The following CLIC5 variants were observed in gnomAD, a reference collection of about 807,000 sequenced individuals.
CLIC5 encodes the protein CLIC family member 5.
A neutral mutation model predicts 24.7 loss-of-function variants in CLIC5; 20 were observed. That is an observed-to-expected ratio of 0.81 (90% CI 0.57 to 1.18). The LOEUF is 1.18. Ranked by LOEUF, CLIC5 falls within the 50% of genes most tolerant of loss-of-function variation. The pLI is 0.00. For synonymous variants in CLIC5, 159 were observed against 135.6 expected, an observed-to-expected ratio of 1.17 and a Z score of -1.20; for missense variants, 341 against 326.1, an observed-to-expected ratio of 1.05 and a Z score of -0.35.
intron 1 of CLIC5, among the ~76,000 whole-genome samples, chr6:46,053,584 T>G (rs1030708915): frequency 1.3e-5 from 2 of 152,130 alleles, no homozygotes; most frequent in African/African-American, 2.4e-5. Context: ...ACCCAGTAAA[T>G]GTACTTTAAT....
intron 1 of CLIC5, among the ~76,000 whole-genome samples, chr6:46,023,723 G>A (rs1767249134): frequency 6.6e-6 from 1 of 152,190 alleles, no homozygotes; most frequent in African/African-American, 2.4e-5. Context: ...ATCTTCTGTT[G>A]CATCACCGTG....
the CLIC5 span, among the ~76,000 whole-genome samples, chr6:46,121,819 C>T: frequency 6.6e-6 from 1 of 151,968 alleles, no homozygotes; most frequent in Non-Finnish European, 1.5e-5. Flanking sequence ...CAACAAAGAT[C>T]AAAAGAGACA....
chr6:45,897,324 C>G (rs1411860061), downstream of CLIC5, among the ~76,000 whole-genome samples: 2 of 152,182 alleles, frequency 1.3e-5, no homozygotes, highest in African/African-American at 4.8e-5. Context: ...ACTTTGAAAC[C>G]AACCACAGCC....
At position 45,917,947 on chromosome 6, in the gene CLIC5, T is replaced by C. The variant is rs189529438; in HGVS notation, c.407-3538A>G. 3.2e-4 allele frequency among the ~76,000 whole-genome samples: 49 copies of C among 152,314 alleles called. 1 individual carries two copies. In the East Asian group the frequency reaches 6.4e-3, roughly 20 times the overall value. ...ATTACTCTGAGTAGTTAGATGGGGG[T>C]ATCCCTCCAACTACAGCAAGTGAGC... On this transcript the variant is annotated intron_variant, in intron 4 of 5. Coordinates refer to ENST00000339561, the MANE Select transcript of CLIC5 (RefSeq NM_016929.5).
upstream of CLIC5, among the ~76,000 whole-genome samples, chr6:46,016,345 T>G (rs1335326335): frequency 2.6e-5 from 4 of 152,048 alleles, no homozygotes; most frequent in Non-Finnish European, 5.9e-5. Flanking sequence ...GTCTTAGTGA[T>G]GCTCAGAACC....
At chr6:46,021,847 G>A (rs1188839277) in intron 1 of CLIC5, among the ~76,000 whole-genome samples, 1 of 152,212 alleles carries the variant, frequency 6.6e-6, no homozygotes, top group East Asian at 1.9e-4. Context: ...TCCTGTTTGT[G>A]TCATTGGTTA....
At chr6:45,936,863 G>A (rs979446936) in intron 4 of CLIC5, among the ~76,000 whole-genome samples, 2 of 152,118 alleles carry the variant, frequency 1.3e-5, no homozygotes, top group African/African-American at 4.8e-5. Flanking sequence ...CTTAATGTGG[G>A]ATCTTGCCAC....
At chr6:46,090,520 C>A in the CLIC5 span, among the ~76,000 whole-genome samples, 4 of 151,708 alleles carry the variant, frequency 2.6e-5, no homozygotes, top group Admixed American at 6.6e-5. Flanking sequence ...GAGCTCAATT[C>A]GCCTTTTACT....
chr6:46,006,484 C>A (rs1048322776), intron 1 of CLIC5, among the ~76,000 whole-genome samples: 43 of 151,972 alleles, frequency 2.8e-4, no homozygotes, highest in Non-Finnish European at 5.6e-4. Context: ...TATCCATTCA[C>A]ACCCTCTTCA....
chr6:46,025,276 C>G (rs994760845), intron 1 of CLIC5, among the ~76,000 whole-genome samples: 1 of 152,056 alleles, frequency 6.6e-6, no homozygotes, highest in African/African-American at 2.4e-5. Flanking sequence ...GACCCATAAA[C>G]AAAGAACAAA....
At chr6:45,887,767 T>C (rs1480003935) in intron 6 of CLIC5, among the ~76,000 whole-genome samples, 2 of 152,318 alleles carry the variant, frequency 1.3e-5, no homozygotes, top group East Asian at 1.9e-4. Flanking sequence ...TCTGGTATGA[T>C]GTAACATAAC....
downstream of CLIC5, among the ~76,000 whole-genome samples, chr6:45,893,618 T>C (rs1762371114): frequency 6.6e-6 from 1 of 152,168 alleles, no homozygotes; most frequent in Non-Finnish European, 1.5e-5. Context: ...GCAGCCTGAT[T>C]GATCTTATGC....
Position 45,961,882 on chromosome 6 carries a change from A to T in CLIC5, c.64-6638T>A, listed in dbSNP as rs576106226. Among the ~76,000 whole-genome samples the T allele has an allele frequency of 1.4e-4, 22 of 152,260 alleles. No individual in the cohort carries two copies. The South Asian group carries it at 4.4e-3, about 30-fold the overall frequency. ...CAGGTATACATTTGAGGCTACAGAG[A>T]TCCTCAACATTTATCTAAAGTTTAA... is the stretch of plus-strand genomic sequence containing the variant. On this transcript the variant is annotated intron_variant, in intron 1 of 5. Coordinates refer to ENST00000339561, the MANE Select transcript of CLIC5 (RefSeq NM_016929.5).
At chr6:46,002,011 C>T (rs1274948846) in intron 1 of CLIC5, among the ~76,000 whole-genome samples, 2 of 152,136 alleles carry the variant, frequency 1.3e-5, no homozygotes, top group African/African-American at 4.8e-5. Context: ...ACCCCCACCC[C>T]CCACACCAGG....
chr6:46,105,943 TG>T, the CLIC5 span, among the ~76,000 whole-genome samples: 1 of 152,214 alleles, frequency 6.6e-6, no homozygotes, highest in African/African-American at 2.4e-5. Context: ...TTGGAGTCTA[TG>T]AGAGTGCTCA....
intron 1 of CLIC5, among the ~76,000 whole-genome samples, chr6:46,077,305 A>C (rs1762797111): frequency 1.3e-5 from 2 of 152,174 alleles, no homozygotes; most frequent in African/African-American, 4.8e-5. Flanking sequence ...TGTCTAGAAC[A>C]GGTGAAAACA....
At chr6:45,949,169 G>T in intron 3 of CLIC5, 87 bp downstream of exon 3, 2 of 1,482,376 alleles carry the variant, frequency 1.3e-6, no homozygotes, top group Non-Finnish European at 1.8e-6. Context: ...CTTTGGAAAT[G>T]CATCTGCCCG....
chr6:45,955,371 C>T (rs960777876), intron 1 of CLIC5, 127 bp from the exon 2 acceptor site: 21 of 641,292 alleles, frequency 3.3e-5, no homozygotes, highest in Admixed American at 9.3e-5. Context: ...CTTCAAAGGG[C>T]GGTAGCCTGA....
intron 1 of CLIC5, among the ~76,000 whole-genome samples, chr6:46,040,980 T>A (rs1247212538): frequency 6.6e-6 from 1 of 152,170 alleles, no homozygotes; most frequent in Non-Finnish European, 1.5e-5. Flanking sequence ...TTAAAAATGG[T>A]CTGTAAATAG....
Sources: allele counts gnomAD v4.1 joint callset (sites outside exome capture counted in the v4.1 genomes callset), GRCh38; gene constraint gnomAD v4.1.1; transcripts MANE v1.5; gene names NCBI Gene and HGNC (gene_info 2026-07-23, HGNC 2026-07-21).